APBB1IP: variants seen among roughly 807,000 people sequenced by gnomAD.
APBB1IP encodes amyloid beta precursor protein binding family B member 1 interacting protein.
A neutral mutation model predicts 64.9 loss-of-function variants in APBB1IP; 27 were observed. That is an observed-to-expected ratio of 0.42 (90% confidence interval 0.31 to 0.57). APBB1IP has a LOEUF of 0.57. APBB1IP is among the 20% of genes least tolerant of loss of function. The pLI is 0.20. For synonymous variants in APBB1IP, 392 were observed against 331.0 expected (o/e 1.18, Z -2.00); for missense variants, 812 against 845.5 (o/e 0.96, Z 0.49).
At chr10:26,543,347 G>C (rs1268810012) in intron 11 of APBB1IP, among the ~76,000 whole-genome samples, 1 of 151,644 alleles carries the variant, frequency 6.6e-6, no homozygotes, top group Non-Finnish European at 1.5e-5. Flanking sequence ...CACGCCTTTA[G>C]TCCCGCTACT....
At chr10:26,558,578 C>T (rs1325947698) in intron 11 of APBB1IP, among the ~76,000 whole-genome samples, 1 of 148,544 alleles carries the variant, frequency 6.7e-6, no homozygotes, top group African/African-American at 2.5e-5. Flanking sequence ...CCCGGGGTTT[C>T]AGCACCAGAC....
chr10:26,455,358 T>A (rs898793862), intron 2 of APBB1IP, among the ~76,000 whole-genome samples: 2 of 151,930 alleles, frequency 1.3e-5, no homozygotes, highest in African/African-American at 4.8e-5. Context: ...TGAAGCCCTG[T>A]CTCTACTAAA....
At chr10:26,498,670 A>C (rs961887391) in intron 4 of APBB1IP, among the ~76,000 whole-genome samples, 1 of 152,248 alleles carries the variant, frequency 6.6e-6, no homozygotes, top group African/African-American at 2.4e-5. Context: ...ATTTCAACTT[A>C]ATTGTAGTCA....
At chr10:26,472,528 C>T (rs1835730752) in intron 2 of APBB1IP, among the ~76,000 whole-genome samples, 1 of 152,156 alleles carries the variant, frequency 6.6e-6, no homozygotes, top group African/African-American at 2.4e-5. Flanking sequence ...GTCATTCTTT[C>T]ATTTTCATCT....
Position 26,567,072 on chromosome 10 carries a change from A to T in APBB1IP, c.1585A>T (p.Ser529Cys). The change falls in exon 15 of 15, where the codon AGC becomes TGC. Residue 529 changes from serine (S) to cysteine (C), a missense_variant. Around this residue, in one of 3 missense-constraint regions of APBB1IP, gnomAD observed 381 missense variants for 352.1 expected, o/e 1.08. Transcript: ENST00000376236. ...TCCGGTGCGGAGGTCCTCCGACACC[A>T]GCGGCAGTCCCGCCACGCCCCTCAA... Reference protein sequence around the residue: ...PPPVRRSSDTSGSPATPLKAK... With the variant: ...PPPVRRSSDTCGSPATPLKAK... 1 of 1,480,564 alleles carries T rather than the reference A, an allele frequency of 6.8e-7. No homozygotes were observed. The highest frequency in any genetic ancestry group is 8.8e-7 in the Non-Finnish European group (1 of 1,130,536). The allele number at this position is 1,480,564 out of a possible 1,614,324, so 91.7% of individuals were successfully genotyped here.
At chr10:26,455,109 T>C (rs2132401765) in intron 2 of APBB1IP, among the ~76,000 whole-genome samples, 1 of 152,186 alleles carries the variant, frequency 6.6e-6, no homozygotes, top group South Asian at 2.1e-4. Flanking sequence ...TGGAGTTGGG[T>C]AGTTCTGATT....
chr10:26,567,530 A>T lies in APBB1IP; in HGVS notation c.*42A>T, dbSNP rs1837072841. The stretch of plus-strand genomic sequence containing the variant: ...TGTTCCAGAGGGAGAAGCATCGCTG[A>T]CCCCGAGCGCAGGTTTTGCTAGCAG... On this transcript the variant is annotated 3_prime_UTR_variant, in exon 15 of 15. Transcript: ENST00000376236. 2 of 1,521,888 alleles carry T rather than the reference A, an allele frequency of 1.3e-6. No individual in the cohort carries two copies. Among genetic ancestry groups the T allele is most frequent in the Non-Finnish European group, 1.8e-6 (2 of 1,119,820 alleles). 94.3% of individuals were successfully genotyped at this position (1,521,888 alleles called of 1,614,324 possible).
intron 2 of APBB1IP, among the ~76,000 whole-genome samples, chr10:26,440,084 A>G (rs183567562): frequency 1.4e-3 from 207 of 152,312 alleles, no homozygotes; most frequent in African/African-American, 4.9e-3. Flanking sequence ...TTAAACTATT[A>G]ATAATGTGTG....
At chr10:26,442,863 G>T (rs1835351477) in intron 2 of APBB1IP, among the ~76,000 whole-genome samples, 1 of 152,122 alleles carries the variant, frequency 6.6e-6, no homozygotes, top group African/African-American at 2.4e-5. Context: ...CTTTTAGGAA[G>T]CATGTACATA....
At chr10:26,523,229 A>C (rs755090388) in intron 8 of APBB1IP, among the ~76,000 whole-genome samples, 1 of 152,214 alleles carries the variant, frequency 6.6e-6, no homozygotes, top group Non-Finnish European at 1.5e-5. Context: ...ATGGGAACAG[A>C]AGAATGCCAT....
chr10:26,507,382 C>A (rs1836195434), intron 6 of APBB1IP, among the ~76,000 whole-genome samples: 1 of 152,040 alleles, frequency 6.6e-6, no homozygotes, highest in Non-Finnish European at 1.5e-5. Flanking sequence ...ACATGTAGTC[C>A]CAGCTACAGG....
chr10:26,444,658 T>A (rs1171585218), intron 2 of APBB1IP, among the ~76,000 whole-genome samples: 1 of 152,174 alleles, frequency 6.6e-6, no homozygotes, highest in African/African-American at 2.4e-5. Context: ...AGATATGAAG[T>A]ATCATTTGGG....
chr10:26,455,303 G>A (rs1835511227), intron 2 of APBB1IP, among the ~76,000 whole-genome samples: 1 of 152,192 alleles, frequency 6.6e-6, no homozygotes, highest in Non-Finnish European at 1.5e-5. Flanking sequence ...GCCGAGGCGG[G>A]CGGATCACAA....
chr10:26,513,947 G>C (rs186921158), intron 8 of APBB1IP, among the ~76,000 whole-genome samples: 1 of 152,278 alleles, frequency 6.6e-6, no homozygotes, highest in East Asian at 1.9e-4. Flanking sequence ...TGTTGGCCAG[G>C]ATGGTCTTGA....
Position 26,562,312 on chromosome 10 carries a change from T to C in APBB1IP, c.1370-14T>C. The C allele has an allele frequency of 6.3e-7, 1 of 1,597,252 alleles. No individual in the cohort carries two copies. The highest frequency in any genetic ancestry group is 8.6e-7 in the Non-Finnish European group (1 of 1,165,208). On this transcript the variant is annotated splice_polypyrimidine_tract_variant and intron_variant, in intron 13 of 14. Transcript: ENST00000376236. ...GCTTTGCTCACTCTTCTTTTCTCAC[T>C]TCTTCCCTCTCAGGACCTAAAACAG...
chr10:26,567,571 TG>T lies in APBB1IP; in HGVS notation c.*84del, dbSNP rs768604262. On this transcript the variant is annotated 3_prime_UTR_variant, in exon 15 of 15. Coordinates refer to ENST00000376236, the MANE Select transcript of APBB1IP (RefSeq NM_019043.4). The stretch of plus-strand genomic sequence containing the variant: ...TTGCTAGCAGATTGCCCTGACATCT[TG>T]TTCATTTCAGATAAAATGTGATGGG... 9.7e-5 allele frequency: 143 copies of T among 1,474,790 alleles called. No individual in the cohort carries two copies. In the Admixed American group the frequency reaches 2.5e-3, roughly 26 times the overall value. 91.4% of individuals were successfully genotyped at this position (1,474,790 alleles called of 1,614,324 possible).
At chr10:26,450,433 T>C (rs997756657) in intron 2 of APBB1IP, among the ~76,000 whole-genome samples, 3 of 152,244 alleles carry the variant, frequency 2.0e-5, no homozygotes, top group African/African-American at 7.2e-5. Context: ...GAAATAAGCC[T>C]TTGTTATCCA....
chr10:26,455,988 C>G (rs1254110234), intron 2 of APBB1IP, among the ~76,000 whole-genome samples: 1 of 152,094 alleles, frequency 6.6e-6, no homozygotes, highest in Admixed American at 6.6e-5. Context: ...GTGAAAGAAG[C>G]CAGACACAAA....
At chr10:26,543,186 G>T (rs988759957) in intron 11 of APBB1IP, among the ~76,000 whole-genome samples, 4 of 151,884 alleles carry the variant, frequency 2.6e-5, no homozygotes, top group Non-Finnish European at 5.9e-5. Context: ...TTGAATGACG[G>T]CCGGGCACGG....
Sources: allele counts gnomAD v4.1 joint callset (sites outside exome capture counted in the v4.1 genomes callset), GRCh38; gene constraint gnomAD v4.1.1; regional missense constraint gnomAD v4.1.1; transcripts MANE v1.5; gene names NCBI Gene and HGNC (gene_info 2026-07-23, HGNC 2026-07-21).